Variants in IGSF10 observed in about 807,000 individuals in gnomAD.
IGSF10 encodes the protein immunoglobulin superfamily member 10.
Under a neutral mutation model 128.2 loss-of-function variants are expected in IGSF10, and 126 were observed. The ratio of observed to expected loss-of-function variants is 0.98; its 90% CI spans 0.85 to 1.14. The LOEUF is 1.14. IGSF10 is among the 50% of genes most tolerant of loss of function. IGSF10 has a pLI of 0.00. For missense variants in IGSF10, 3,295 were observed against 3,149.8 expected (o/e 1.05, Z -1.10); for synonymous variants, 1,185 against 1,146.2 (o/e 1.03, Z -0.68).
chr3:151,538,550 TAA>T, the IGSF10 span, among the ~76,000 whole-genome samples: 12 of 152,092 alleles, frequency 7.9e-5, no homozygotes, highest in South Asian at 1.9e-3. Flanking sequence ...CATTGGAATA[TAA>T]AAGTGAGAAA....
the IGSF10 span, among the ~76,000 whole-genome samples, chr3:151,562,292 A>G: frequency 2.0e-5 from 3 of 152,122 alleles, no homozygotes; most frequent in Admixed American, 6.6e-5. Context: ...ATGGTCTAAA[A>G]AAGGGGAATA....
chr3:151,525,002 CTTTTTTTTTTTTTTTTTTTTT>C, the IGSF10 span, among the ~76,000 whole-genome samples: 1,307 of 49,736 alleles, frequency 0.026, 27 homozygotes, highest in South Asian at 0.072. Flanking sequence ...TGCATTACAC[CTTTTTTTTTTTTTTTTTTTTT>C]TTTTTTTTTT....
chr3:151,494,063 T>C, the IGSF10 span, among the ~76,000 whole-genome samples: 1 of 152,138 alleles, frequency 6.6e-6, no homozygotes, highest in East Asian at 1.9e-4. Flanking sequence ...ATAAATACAT[T>C]CCGGAAGAGA....
In IGSF10 at chr3:151,446,362, GT is replaced by G. The variant is rs1473307880; in HGVS notation, c.3618del (p.Gln1206HisfsTer5). ...TRFSRRKIPW[Q>X]QNFVNNHNPK... ...GGGTTATGGTTATTTACAAAGTTCTGTTGCCAGGGAATTTTCCTTCTTGAAA... is the reference window on the plus strand; with the variant it reads ...GGGTTATGGTTATTTACAAAGTTCTGTGCCAGGGAATTTTCCTTCTTGAAA... On this transcript the variant is annotated frameshift_variant, in exon 6 of 8. Coordinates refer to ENST00000282466, the MANE Select transcript of IGSF10 (RefSeq NM_178822.5). LOFTEE classifies it high-confidence loss of function. The G allele has an allele frequency of 6.2e-7, 1 of 1,613,156 alleles. No individual in the cohort carries two copies. The highest frequency in any genetic ancestry group is 1.1e-5 in the South Asian group (1 of 91,032).
At chr3:151,481,499 C>A in the IGSF10 span, among the ~76,000 whole-genome samples, 2 of 152,170 alleles carry the variant, frequency 1.3e-5, no homozygotes, top group South Asian at 2.1e-4. Context: ...CAGGCTAGTG[C>A]TGTACCCTAC....
the IGSF10 span, among the ~76,000 whole-genome samples, chr3:151,529,783 A>G: frequency 6.6e-6 from 1 of 152,132 alleles, no homozygotes; most frequent in Non-Finnish European, 1.5e-5. Context: ...AAAACTCCAA[A>G]AACTAGAACA....
chr3:151,502,574 T>C, the IGSF10 span, among the ~76,000 whole-genome samples: 1 of 152,046 alleles, frequency 6.6e-6, no homozygotes, highest in East Asian at 1.9e-4. Flanking sequence ...CTAGGGTATT[T>C]ACTTCGATCT....
At chr3:151,549,784 G>A in the IGSF10 span, among the ~76,000 whole-genome samples, 3 of 152,272 alleles carry the variant, frequency 2.0e-5, no homozygotes, top group South Asian at 6.2e-4. Flanking sequence ...ATTAAAATAT[G>A]TACATCAAAG....
the IGSF10 span, among the ~76,000 whole-genome samples, chr3:151,616,385 A>G: frequency 9.2e-5 from 14 of 152,230 alleles, no homozygotes; most frequent in Non-Finnish European, 1.6e-4. Context: ...GAATTAACTA[A>G]AATCTAACAT....
At chr3:151,555,899 G>A in the IGSF10 span, among the ~76,000 whole-genome samples, 1 of 152,146 alleles carries the variant, frequency 6.6e-6, no homozygotes, top group Admixed American at 6.6e-5. Context: ...ATCTCAAGGG[G>A]TTAGTAATTA....
At chr3:151,552,292 A>C in the IGSF10 span, among the ~76,000 whole-genome samples, 1 of 152,090 alleles carries the variant, frequency 6.6e-6, no homozygotes, top group Non-Finnish European at 1.5e-5. Context: ...TTCTTCATAA[A>C]TTATCCAGTC....
the IGSF10 span, among the ~76,000 whole-genome samples, chr3:151,607,410 A>G: frequency 6.6e-6 from 1 of 152,268 alleles, no homozygotes; most frequent in East Asian, 1.9e-4. Context: ...TTTAAAAAAA[A>G]ACCACTAATA....
chr3:151,565,887 T>C, the IGSF10 span: 1 of 151,714 alleles, frequency 6.6e-6, no homozygotes, highest in African/African-American at 2.4e-5. Flanking sequence ...TTAGCCAGCT[T>C]ATGGCATGAC....
At chr3:151,562,870 C>T in the IGSF10 span, among the ~76,000 whole-genome samples, 1 of 152,050 alleles carries the variant, frequency 6.6e-6, no homozygotes, top group East Asian at 1.9e-4. Context: ...GTCGGATGGA[C>T]AGGAAAAGTG....
Position 151,445,111 on chromosome 3 carries a change from T to A in IGSF10, c.4870A>T (p.Lys1624Ter). 2 of 1,614,146 alleles carry A rather than the reference T, an allele frequency of 1.2e-6. No individual in the cohort carries two copies. Among genetic ancestry groups the A allele is most frequent in the Non-Finnish European group, 1.7e-6 (2 of 1,180,012 alleles). ...KNTKKSDFDK[K>*]PVQEATTSKL... ...GAAGTTGTTGCTTCTTGAACTGGTT[T>A]CTTATCAAAGTCACTCTTCTTTGTG... Residue 1624 changes from lysine to a stop codon, truncating the protein, a stop_gained, in exon 6 of 8, where the codon AAA becomes TAA. Coordinates refer to ENST00000282466, the MANE Select transcript of IGSF10 (RefSeq NM_178822.5). LOFTEE classifies it high-confidence loss of function.
At chr3:151,490,001 AAAC>A in the IGSF10 span, among the ~76,000 whole-genome samples, 1 of 152,180 alleles carries the variant, frequency 6.6e-6, no homozygotes, top group African/African-American at 2.4e-5. Flanking sequence ...AGCAGCTACA[AAAC>A]AACCAGAAAA....
At chr3:151,505,982 C>T in the IGSF10 span, among the ~76,000 whole-genome samples, 124,300 of 150,850 alleles carry the variant, frequency 0.82, 51,090 homozygotes, top group Middle Eastern at 0.92. Flanking sequence ...GATGGAGTCT[C>T]GCTCTGTTGC....
chr3:151,611,549 C>A, the IGSF10 span, among the ~76,000 whole-genome samples: 3 of 152,138 alleles, frequency 2.0e-5, no homozygotes, highest in Non-Finnish European at 4.4e-5. Flanking sequence ...TAATGTCTTT[C>A]GGAATTTCTT....
chr3:151,470,120 G>A, the IGSF10 span, among the ~76,000 whole-genome samples: 9 of 152,062 alleles, frequency 5.9e-5, no homozygotes, highest in African/African-American at 2.2e-4. Flanking sequence ...TTTTTCCCAG[G>A]CATTGCATCA....
Sources: allele counts gnomAD v4.1 joint callset (sites outside exome capture counted in the v4.1 genomes callset), GRCh38; gene constraint gnomAD v4.1.1; transcripts MANE v1.5; gene names NCBI Gene and HGNC (gene_info 2026-07-23, HGNC 2026-07-21).